URB2: variants seen among roughly 807,000 people sequenced by gnomAD.
The protein encoded by URB2 is URB2 ribosome biogenesis homolog, also known as unhealthy ribosome biogenesis protein 2 homolog.
Under a neutral mutation model 120.9 loss-of-function variants are expected in URB2, and 86 were observed. The observed-to-expected ratio is 0.71, with a 90% CI of 0.60 to 0.85. URB2 has a LOEUF of 0.85. Ranked by LOEUF, URB2 falls within the 40% of genes least tolerant of loss-of-function variation. The probability of loss-of-function intolerance (pLI) is 0.00; values close to 1 mark genes in which losing one functional copy is unlikely to be tolerated. For missense variants in URB2, 1,765 were observed against 1,836.5 expected (o/e 0.96, Z 0.71); for synonymous variants, 755 against 758.4 (o/e 1.00, Z 0.07).
At position 229,637,065 on chromosome 1, in the gene URB2, A is replaced by G. The variant is rs752466623; in HGVS notation, c.2452A>G (p.Ser818Gly). The G allele has an allele frequency of 2.5e-6, 4 of 1,614,042 alleles. No homozygotes were observed. The highest frequency in any genetic ancestry group is 4.5e-5 in the East Asian group (2 of 44,894). ...HSAFLTCVTT[S>G]CSSILCSGAQ... ...TGCTTTCTTAACGTGCGTAACCACAAGTTGCTCCAGCATTCTGTGTTCTGG... is the reference window on the plus strand; with the variant it reads ...TGCTTTCTTAACGTGCGTAACCACAGGTTGCTCCAGCATTCTGTGTTCTGG... The change falls in exon 4 of 10, where the codon AGT (serine) becomes GGT (glycine). Residue 818 changes from serine to glycine, a missense_variant. Coordinates refer to ENST00000258243, the MANE Select transcript of URB2 (RefSeq NM_014777.4).
intron 8 of URB2, among the ~76,000 whole-genome samples, chr1:229,653,082 T>G (rs192683158): frequency 9.2e-5 from 14 of 152,240 alleles, no homozygotes; most frequent in Admixed American, 5.2e-4. Context: ...AGCATGTATA[T>G]GGTGAACAGT....
chr1:229,630,088 A>G lies in URB2; in HGVS notation c.127-2181A>G, dbSNP rs192332471. Among the ~76,000 whole-genome samples, 420 of 152,310 alleles carry G rather than the reference A, an allele frequency of 2.8e-3. 2 individuals carry two copies. The highest frequency in any genetic ancestry group is 2.7e-3 in the Non-Finnish European group (181 of 68,024). On this transcript the variant is annotated intron_variant, in intron 2 of 9. Coordinates refer to ENST00000258243, the MANE Select transcript of URB2 (RefSeq NM_014777.4). ...AGTCTTGAGCCCTTCAAAGTCATCC[A>G]TGAGGACTGGAATCAGCTTCTTCCA...
intron 6 of URB2, 129 bp from the exon 7 acceptor site, chr1:229,647,381 G>A: frequency 8.8e-7 from 1 of 1,141,984 alleles, no homozygotes; most frequent in Non-Finnish European, 1.2e-6. Flanking sequence ...AGTATTTAAC[G>A]GCCCACGGAC....
At chr1:229,641,926 C>T (rs996530836) in intron 4 of URB2, among the ~76,000 whole-genome samples, 1 of 152,136 alleles carries the variant, frequency 6.6e-6, no homozygotes, top group Non-Finnish European at 1.5e-5. Flanking sequence ...GAGAGGACCC[C>T]TTGAGCCCAA....
chr1:229,656,817 T>C (rs1198143854), intron 9 of URB2, among the ~76,000 whole-genome samples: 1 of 152,228 alleles, frequency 6.6e-6, no homozygotes, highest in Non-Finnish European at 1.5e-5. Context: ...AGGGAAATTA[T>C]GGTTACTTTC....
chr1:229,630,572 T>C (rs973764434), intron 2 of URB2, among the ~76,000 whole-genome samples: 1 of 152,170 alleles, frequency 6.6e-6, no homozygotes, highest in Non-Finnish European at 1.5e-5. Flanking sequence ...CCCTGTGATT[T>C]TGGGGATGGT....
chr1:229,653,489 C>T (rs527700165), intron 8 of URB2, among the ~76,000 whole-genome samples: 1 of 152,202 alleles, frequency 6.6e-6, no homozygotes, highest in South Asian at 2.1e-4. Flanking sequence ...TGCTTTTTGT[C>T]CTTATGGATT....
At chr1:229,627,590 T>C (rs1261751006) in intron 1 of URB2, 31 bp from the exon 2 acceptor site, 4 of 1,601,678 alleles carry the variant, frequency 2.5e-6, no homozygotes, top group African/African-American at 2.7e-5. Context: ...ATTGTTATAG[T>C]ATTTTTTTTC....
At chr1:229,643,754 A>G in intron 5 of URB2, 61 bp downstream of exon 5, 4 of 1,570,008 alleles carry the variant, frequency 2.5e-6, no homozygotes, top group Admixed American at 1.8e-5. Context: ...CAAATGGGAA[A>G]ACTGATTTGA....
chr1:229,651,877 CTT>C (rs1023578746), intron 8 of URB2, among the ~76,000 whole-genome samples: 1 of 152,094 alleles, frequency 6.6e-6, no homozygotes, highest in Admixed American at 6.6e-5. Context: ...TTGAGGGAGA[CTT>C]TTATTATTTT....
intron 4 of URB2, among the ~76,000 whole-genome samples, chr1:229,638,855 C>T (rs535970240): frequency 7.2e-5 from 11 of 152,228 alleles, no homozygotes; most frequent in Admixed American, 6.5e-5. Context: ...GCTCTGTGTA[C>T]GTTTATAGTT....
In URB2 at chr1:229,654,301, A is replaced by G. The variant is rs7521953; in HGVS notation, c.4290A>G (p.Arg1430=). 864,240 of 1,613,820 alleles carry G rather than the reference A, an allele frequency of 0.54. 236,015 individuals are homozygous for G. The highest frequency in any genetic ancestry group is 0.9 in the East Asian group (40,299 of 44,860). ...TVLKCARLVE[R]MYSHIAARAE... ...TAAAGTGTGCACGCCTGGTTGAAAG[A>G]ATGTACAGCCACATCGCCGCACGAG... is the stretch of plus-strand genomic sequence containing the variant. The change falls in exon 9 of 10, where the codon AGA becomes AGG. Residue 1430 remains arginine (R), a synonymous_variant. Transcript: ENST00000258243.
chr1:229,635,252 TG>T lies in URB2; in HGVS notation c.644del (p.Gly215AlafsTer11). 2 of 1,614,190 alleles carry T rather than the reference TG, an allele frequency of 1.2e-6. No homozygotes were observed. Among genetic ancestry groups the T allele is most frequent in the Non-Finnish European group, 1.7e-6 (2 of 1,180,042 alleles). On this transcript the variant is annotated frameshift_variant, in exon 4 of 10. Coordinates refer to ENST00000258243, the MANE Select transcript of URB2 (RefSeq NM_014777.4). LOFTEE classifies it high-confidence loss of function. Reference sequence around the variant, plus strand: ...GCCTGGTCCTGAGGCACTTACTCTCTGGGGGCACATGGACGCAGGCTGGCCA... The same window carrying T: ...GCCTGGTCCTGAGGCACTTACTCTCTGGGGCACATGGACGCAGGCTGGCCA... ...PCLVLRHLLS[G>X]GTWTQAGQGQ... is the part of the protein sequence containing the mutation.
intron 6 of URB2, among the ~76,000 whole-genome samples, chr1:229,647,116 A>C (rs1666164367): frequency 1.3e-5 from 2 of 152,150 alleles, no homozygotes; most frequent in Non-Finnish European, 2.9e-5. Flanking sequence ...GAATCCACTT[A>C]CGTCCACCCA....
chr1:229,633,009 A>G (rs566696837), intron 3 of URB2, among the ~76,000 whole-genome samples: 1 of 152,354 alleles, frequency 6.6e-6, no homozygotes, highest in Admixed American at 6.5e-5. Context: ...AACTACTACT[A>G]GTGAGCACTT....
In URB2 at chr1:229,636,440, C is replaced by T. The variant is rs79644627; in HGVS notation, c.1827C>T (p.Leu609=). 7.4e-6 allele frequency: 12 copies of T among 1,614,242 alleles called. No homozygotes were observed. In the South Asian group the frequency reaches 1.3e-4, roughly 18 times the overall value. ...LQKVSDSVLL[L]SYTWAQVDAM... ...AGGTCAGTGACTCTGTGCTCCTGCT[C>T]TCTTACACTTGGGCCCAGGTGGACG... is the stretch of plus-strand genomic sequence containing the variant. Residue 609 remains leucine, a synonymous_variant, in exon 4 of 10, where the codon CTC becomes CTT. Coordinates refer to ENST00000258243, the MANE Select transcript of URB2 (RefSeq NM_014777.4).
chr1:229,649,973 A>G (rs966484917), intron 7 of URB2, among the ~76,000 whole-genome samples: 2 of 152,224 alleles, frequency 1.3e-5, no homozygotes, highest in South Asian at 2.1e-4. Context: ...GGATTAAGAG[A>G]GGGTCCTTGG....
intron 9 of URB2, 54 bp downstream of exon 9, chr1:229,654,442 A>G: frequency 6.2e-7 from 1 of 1,605,824 alleles, no homozygotes. Context: ...GTCCTTAAGC[A>G]GGGTTTCTCA....
Position 229,636,702 on chromosome 1 carries a change from A to G in URB2, c.2089A>G (p.Ile697Val), listed in dbSNP as rs1226094302. The change falls in exon 4 of 10, where the codon ATC (isoleucine) becomes GTC (valine). Residue 697 changes from isoleucine to valine, a missense_variant. Ile to Val is a conservative substitution (Grantham distance 29). Transcript: ENST00000258243. ...MQTSFRSEGA[I>V]QSLRCDAAFI... ...AACTAGTTTCCGGTCTGAAGGAGCC[A>G]TCCAAAGTTTGAGGTGCGATGCTGC... The G allele has an allele frequency of 2.5e-6, 4 of 1,614,066 alleles. No individual in the cohort carries two copies. Among genetic ancestry groups the G allele is most frequent in the Non-Finnish European group, 2.5e-6 (3 of 1,179,984 alleles).
Sources: allele counts gnomAD v4.1 joint callset (sites outside exome capture counted in the v4.1 genomes callset), GRCh38; gene constraint gnomAD v4.1.1; transcripts MANE v1.5; gene names NCBI Gene and HGNC (gene_info 2026-07-23, HGNC 2026-07-21).